MYO16: variants seen among roughly 807,000 people sequenced by gnomAD.
The protein encoded by MYO16 is myosin XVI.
In MYO16, 94 loss-of-function variants were observed where a neutral mutation model predicts 205.3. That is an observed-to-expected ratio of 0.46 (90% CI 0.39 to 0.54). The LOEUF (loss-of-function observed/expected upper bound fraction) is 0.54, where lower values mean the gene tolerates loss of function less well. MYO16 is among the 20% of genes least tolerant of loss of function. The pLI is 0.00. For missense variants in MYO16, 2,315 were observed against 2,387.5 expected, an observed-to-expected ratio of 0.97 and a Z score of 0.63; for synonymous variants, 988 against 954.0, an observed-to-expected ratio of 1.04 and a Z score of -0.66.
chr13:108,804,747 G>A lies in MYO16; in HGVS notation c.742-1932G>A, dbSNP rs183920491. On this transcript the variant is annotated intron_variant, in intron 6 of 34. Transcript: ENST00000457511. ...TCATTTGTTTGTTTATTTTGGTTTT[G>A]GGATTACCTAGAAGTAAACTTGCCA... Among the ~76,000 whole-genome samples, 621 of 152,234 alleles carry A rather than the reference G, an allele frequency of 4.1e-3. 5 individuals carry two copies. Among genetic ancestry groups the A allele is most frequent in the African/African-American group, 0.014 (579 of 41,524 alleles).
chr13:108,691,316 T>C (rs1333684634), intron 2 of MYO16, among the ~76,000 whole-genome samples: 3 of 152,078 alleles, frequency 2.0e-5, no homozygotes, highest in Non-Finnish European at 4.4e-5. Context: ...GCCTATTAGA[T>C]TGTATTTTAA....
At chr13:108,945,873 C>A (rs747595333) in intron 16 of MYO16, among the ~76,000 whole-genome samples, 1 of 152,204 alleles carries the variant, frequency 6.6e-6, no homozygotes, top group African/African-American at 2.4e-5. Context: ...ATTAAAATCT[C>A]AATTTTAATG....
chr13:108,758,453 C>G (rs1316890374), intron 4 of MYO16, among the ~76,000 whole-genome samples: 2 of 152,122 alleles, frequency 1.3e-5, no homozygotes, highest in African/African-American at 2.4e-5. Flanking sequence ...TCAGGACTAT[C>G]AGGACTGTTC....
At chr13:108,548,825 C>G in the MYO16 span, among the ~76,000 whole-genome samples, 5 of 152,240 alleles carry the variant, frequency 3.3e-5, no homozygotes, top group South Asian at 1.0e-3. Context: ...ATTATTGTAA[C>G]TAGCCTTACT....
At chr13:108,904,180 G>C (rs759264871) in intron 15 of MYO16, among the ~76,000 whole-genome samples, 7 of 152,030 alleles carry the variant, frequency 4.6e-5, no homozygotes, top group African/African-American at 1.7e-4. Flanking sequence ...TTCTTGTTTG[G>C]GGGAAAATGT....
At chr13:109,171,069 G>C (rs979793072) in intron 33 of MYO16, among the ~76,000 whole-genome samples, 1 of 152,114 alleles carries the variant, frequency 6.6e-6, no homozygotes, top group East Asian at 1.9e-4. Context: ...TGAATTTCTG[G>C]GGGCCTGGAA....
chr13:108,574,553 A>C, the MYO16 span, among the ~76,000 whole-genome samples: 3 of 152,156 alleles, frequency 2.0e-5, no homozygotes, highest in Non-Finnish European at 4.4e-5. Context: ...AATTCTCAAT[A>C]AAGCTTCAAC....
At chr13:108,533,179 C>T in the MYO16 span, among the ~76,000 whole-genome samples, 1 of 152,188 alleles carries the variant, frequency 6.6e-6, no homozygotes, top group Non-Finnish European at 1.5e-5. Context: ...AGGGGGTTTA[C>T]ATAGCTAGTA....
the MYO16 span, among the ~76,000 whole-genome samples, chr13:108,540,952 G>C: frequency 6.6e-6 from 1 of 152,072 alleles, no homozygotes; most frequent in Non-Finnish European, 1.5e-5. Context: ...TTATTATATT[G>C]ATCAGAATGC....
intron 31 of MYO16, among the ~76,000 whole-genome samples, chr13:109,128,926 C>T (rs1876399176): frequency 6.6e-6 from 1 of 151,900 alleles, no homozygotes; most frequent in Non-Finnish European, 1.5e-5. Context: ...TGCCTGCCAC[C>T]ACGCCCAGCT....
At chr13:109,079,489 T>C (rs1888216275) in intron 27 of MYO16, among the ~76,000 whole-genome samples, 1 of 152,166 alleles carries the variant, frequency 6.6e-6, no homozygotes, top group Non-Finnish European at 1.5e-5. Flanking sequence ...CTGGAGGTCA[T>C]TATCCTAAGC....
chr13:109,097,127 C>T (rs1007883563), intron 27 of MYO16, among the ~76,000 whole-genome samples: 2 of 152,138 alleles, frequency 1.3e-5, no homozygotes, highest in African/African-American at 4.8e-5. Context: ...GTCAGCAGTT[C>T]GAGACTAGCC....
chr13:109,069,347 T>A (rs191081263), intron 27 of MYO16, among the ~76,000 whole-genome samples: 23 of 152,304 alleles, frequency 1.5e-4, no homozygotes, highest in African/African-American at 5.3e-4. Context: ...TCCTTTGCAT[T>A]TTCTTATTTT....
At chr13:108,901,170 C>T (rs947839048) in intron 15 of MYO16, among the ~76,000 whole-genome samples, 6 of 152,148 alleles carry the variant, frequency 3.9e-5, no homozygotes, top group African/African-American at 1.2e-4. Context: ...ATTTTAATTT[C>T]GCCCCAGTCC....
At chr13:108,760,883 G>A (rs1885584239) in intron 4 of MYO16, among the ~76,000 whole-genome samples, 1 of 152,160 alleles carries the variant, frequency 6.6e-6, no homozygotes, top group Non-Finnish European at 1.5e-5. Flanking sequence ...AACGTTTTTA[G>A]CTCCCGCATA....
At chr13:109,117,444 ATATGTATATATATG>A in intron 28 of MYO16, among the ~76,000 whole-genome samples, 1 of 144,276 alleles carries the variant, frequency 6.9e-6, no homozygotes, top group Admixed American at 6.9e-5. Flanking sequence ...ATATGTATAT[ATATGTATATATATG>A]TATGTGTATA....
At chr13:108,855,665 T>C in intron 11 of MYO16, 112 bp downstream of exon 11, 1 of 650,712 alleles carries the variant, frequency 1.5e-6, no homozygotes, top group Non-Finnish European at 2.5e-6. Flanking sequence ...CTTCTGGTAG[T>C]GGTGATAGCT....
intron 34 of MYO16, among the ~76,000 whole-genome samples, chr13:109,186,914 T>C (rs752550376): frequency 2.0e-5 from 3 of 152,232 alleles, no homozygotes; most frequent in Non-Finnish European, 2.9e-5. Context: ...AAGTTTCTGC[T>C]CATGGACATT....
chr13:109,198,252 A>G (rs1880244182), intron 34 of MYO16, among the ~76,000 whole-genome samples: 1 of 152,212 alleles, frequency 6.6e-6, no homozygotes, highest in African/African-American at 2.4e-5. Flanking sequence ...ATTACTTTAA[A>G]AAGATATCAT....
Sources: gnomAD v4.1 joint callset for allele counts (sites outside exome capture counted in the v4.1 genomes callset) on GRCh38, gnomAD v4.1.1 for gene constraint, MANE v1.5 for transcripts, NCBI Gene and HGNC (gene_info 2026-07-23, HGNC 2026-07-21) for gene names.